The following USH2A variants were observed in gnomAD, a reference collection of about 807,000 sequenced individuals.
USH2A encodes Usher syndrome 2A (autosomal recessive, mild).
In USH2A, 443 loss-of-function variants were observed where a neutral mutation model predicts 538.9. The ratio of observed to expected loss-of-function variants is 0.82; its 90% CI spans 0.76 to 0.89. The LOEUF is 0.89. Ranked by LOEUF, USH2A falls within the 40% of genes least tolerant of loss-of-function variation. The pLI, the probability that USH2A is intolerant of heterozygous loss-of-function variation, is 0.00. For synonymous variants in USH2A, 2,413 were observed against 2,273.5 expected (o/e 1.06, Z -1.75); for missense variants, 6,633 against 6,324.8 (o/e 1.05, Z -1.65).
intron 32 of USH2A, among the ~76,000 whole-genome samples, chr1:216,008,180 C>T (rs140470299): frequency 0.015 from 2,246 of 152,202 alleles, 47 homozygotes; most frequent in African/African-American, 0.052. Context: ...CATCATATCC[C>T]CTGTGACCTG....
chr1:216,083,890 T>C (rs1419480877), intron 25 of USH2A, among the ~76,000 whole-genome samples: 2 of 152,166 alleles, frequency 1.3e-5, no homozygotes, highest in Non-Finnish European at 2.9e-5. Context: ...ATAAGTAGTT[T>C]GCATTGACTA....
In USH2A at chr1:215,846,030, A is replaced by G. The variant is rs758948761; in HGVS notation, c.8849T>C (p.Val2950Ala). The G allele has an allele frequency of 2.5e-6, 4 of 1,613,644 alleles. No homozygotes were observed. Among genetic ancestry groups the G allele is most frequent in the Non-Finnish European group, 3.4e-6 (4 of 1,179,814 alleles). Residue 2950 changes from valine (V) to alanine (A), a missense_variant, in exon 45 of 72, where the codon GTT (valine) becomes GCT (alanine). Transcript: ENST00000307340. The part of the protein sequence containing the change: ...AIDVRWAKPT[V>A]QDLQGEVEYY... ...TTCAACTTCACCTTGTAGGTCTTGAACAGCTGTCAACAATAAATGCAGGAC... is the reference window on the plus strand; with the variant it reads ...TTCAACTTCACCTTGTAGGTCTTGAGCAGCTGTCAACAATAAATGCAGGAC...
chr1:215,835,678 T>A lies in USH2A; in HGVS notation c.9371+2313A>T, dbSNP rs933208069. 2.0e-5 allele frequency among the ~76,000 whole-genome samples: 3 copies of A among 152,078 alleles called. No homozygotes were observed. The South Asian group carries it at 6.2e-4, about 32-fold the overall frequency. On this transcript the variant is annotated intron_variant, in intron 47 of 71. Transcript: ENST00000307340. The stretch of plus-strand genomic sequence containing the variant: ...ATGATTTCAGCTTTAAACCCTACCC[T>A]CTCTCCTCCTCTTTACATCCTTAAA...
At chr1:215,685,159 G>A (rs1424495631) in intron 61 of USH2A, among the ~76,000 whole-genome samples, 8 of 151,932 alleles carry the variant, frequency 5.3e-5, no homozygotes, top group South Asian at 2.1e-4. Flanking sequence ...TTTATATGTC[G>A]TAATGTAGAC....
intron 37 of USH2A, among the ~76,000 whole-genome samples, chr1:215,935,729 C>A (rs1666475702): frequency 6.6e-6 from 1 of 151,878 alleles, no homozygotes; most frequent in South Asian, 2.1e-4. Flanking sequence ...TAGATGCTTT[C>A]CTGAAAAATT....
chr1:215,947,292 C>T (rs1172589785), intron 37 of USH2A, among the ~76,000 whole-genome samples: 2 of 152,152 alleles, frequency 1.3e-5, no homozygotes, highest in Non-Finnish European at 2.9e-5. Flanking sequence ...GGTCTGCCAC[C>T]CTCAGCCTCC....
intron 51 of USH2A, 27 bp from the exon 52 acceptor site, chr1:215,786,901 G>T: frequency 6.2e-7 from 1 of 1,610,412 alleles, no homozygotes; most frequent in Non-Finnish European, 8.5e-7. Context: ...GGGTGAGAGA[G>T]AGAGGGGTAT....
At chr1:215,716,350 T>A (rs1490397958) in intron 61 of USH2A, among the ~76,000 whole-genome samples, 1 of 152,170 alleles carries the variant, frequency 6.6e-6, no homozygotes, top group East Asian at 1.9e-4. Context: ...CTGCTTTCTA[T>A]CCCCATTCAG....
intron 21 of USH2A, among the ~76,000 whole-genome samples, chr1:216,130,478 A>T (rs1169631770): frequency 6.7e-6 from 1 of 149,720 alleles, no homozygotes; most frequent in African/African-American, 2.4e-5. Context: ...GTCACTGTGA[A>T]TGCTATTAAC....
At chr1:215,867,228 CA>C (rs1664497206) in intron 43 of USH2A, 58 bp from the exon 44 acceptor site, 15 of 1,558,468 alleles carry the variant, frequency 9.6e-6, no homozygotes, top group African/African-American at 2.7e-5. Context: ...GAAAATCTAA[CA>C]AATAATTTCT....
intron 32 of USH2A, among the ~76,000 whole-genome samples, chr1:216,039,319 A>G (rs1050557770): frequency 6.6e-6 from 1 of 151,918 alleles, no homozygotes; most frequent in Non-Finnish European, 1.5e-5. Context: ...GCATAGCTTG[A>G]CTTTTGTTCC....
At chr1:215,662,076 A>G (rs1657453743) in intron 64 of USH2A, among the ~76,000 whole-genome samples, 1 of 152,230 alleles carries the variant, frequency 6.6e-6, no homozygotes, top group African/African-American at 2.4e-5. Flanking sequence ...CACTTTGAAC[A>G]TTGTAGGTGC....
rs112632868 is a variant in USH2A at position 216,057,881 on chromosome 1, T to TA, written c.6050-9235dup. ...ATTATACTCCTTTTCCTCAGTAAAATAAAAACACTTTTTACCTGGGCAAGT... is the reference window on the plus strand; with the variant it reads ...ATTATACTCCTTTTCCTCAGTAAAATAAAAAACACTTTTTACCTGGGCAAGT... On this transcript the variant is annotated intron_variant, in intron 30 of 71. Transcript: ENST00000307340. Among the ~76,000 whole-genome samples, 363 of 152,260 alleles carry TA rather than the reference T, an allele frequency of 2.4e-3. 2 individuals are homozygous for TA. The highest frequency in any genetic ancestry group is 8.5e-3 in the African/African-American group (355 of 41,526).
intron 32 of USH2A, among the ~76,000 whole-genome samples, chr1:216,036,898 C>T (rs955595809): frequency 3.3e-5 from 5 of 151,852 alleles, no homozygotes; most frequent in African/African-American, 1.2e-4. Context: ...AAGACAGTGA[C>T]AAAAGAGAAC....
rs1028883538 is a variant in USH2A, at chr1:215,849,609, T to C, written c.8846-3576A>G. 9.9e-5 allele frequency among the ~76,000 whole-genome samples: 15 copies of C among 152,186 alleles called. 1 individual carries two copies. The highest frequency in any genetic ancestry group is 2.7e-4 in the African/African-American group (11 of 41,470). ...AATAAACCTTACCCAAAATGACTTA[T>C]GTCTACAAACTGAATAGACTAATAC... On this transcript the variant is annotated intron_variant, in intron 44 of 71. Transcript: ENST00000307340.
At chr1:215,628,678 C>T (rs1026815118) in intron 71 of USH2A, 136 bp downstream of exon 71, 12 of 869,812 alleles carry the variant, frequency 1.4e-5, no homozygotes, top group African/African-American at 6.6e-5. Context: ...ATTAGTAAAC[C>T]GGTTGTTACT....
intron 38 of USH2A, among the ~76,000 whole-genome samples, chr1:215,912,686 A>C (rs546576794): frequency 2.6e-5 from 4 of 152,110 alleles, no homozygotes; most frequent in South Asian, 4.1e-4. Flanking sequence ...TCAGGGGTAC[A>C]TGTGCAGGTT....
chr1:216,371,964 C>T (rs900133433), intron 3 of USH2A, among the ~76,000 whole-genome samples: 2 of 152,156 alleles, frequency 1.3e-5, no homozygotes, highest in African/African-American at 4.8e-5. Context: ...ATTATAAATG[C>T]TCCAGTTTAT....
chr1:216,417,184 A>T (rs1304198745), intron 3 of USH2A, among the ~76,000 whole-genome samples: 2 of 151,846 alleles, frequency 1.3e-5, no homozygotes, highest in African/African-American at 4.8e-5. Context: ...TGCTAAACTC[A>T]TATCTTAGTA....
Sources: gnomAD v4.1 joint callset for allele counts (sites outside exome capture counted in the v4.1 genomes callset) on GRCh38, gnomAD v4.1.1 for gene constraint, MANE v1.5 for transcripts, NCBI Gene and HGNC (gene_info 2026-07-23, HGNC 2026-07-21) for gene names.